TMBIM6: variants seen among roughly 807,000 people sequenced by gnomAD.
TMBIM6 encodes transmembrane BAX inhibitor motif containing 6, also known as bax inhibitor 1.
Under a neutral mutation model 31.4 loss-of-function variants are expected in TMBIM6, and 13 were observed. The observed-to-expected ratio is 0.41, with a 90% CI of 0.27 to 0.66. The LOEUF (loss-of-function observed/expected upper bound fraction) is 0.66. Among genes scored for constraint, TMBIM6 ranks in the 30% least tolerant of loss-of-function variants. The pLI is 0.28. For synonymous variants in TMBIM6, 85 were observed against 101.7 expected (o/e 0.84, Z 0.99); for missense variants, 275 against 289.5 (o/e 0.95, Z 0.36).
chr12:49,761,580 TGGG>T (rs1945719826), intron 8 of TMBIM6, 121 bp from the exon 9 acceptor site: 2 of 738,848 alleles, frequency 2.7e-6, no homozygotes, highest in Admixed American at 5.5e-5. Context: ...CTTCCTTAGT[TGGG>T]GGTAAAGTGT....
intron 1 of TMBIM6, among the ~76,000 whole-genome samples, chr12:49,745,740 G>A (rs1261151446): frequency 8.4e-6 from 1 of 119,084 alleles, no homozygotes; most frequent in Non-Finnish European, 1.7e-5. Context: ...AAAAAACCCA[G>A]CACATTTAGA....
chr12:49,762,687 C>G (rs776142691), intron 9 of TMBIM6, among the ~76,000 whole-genome samples, 186 bp from the exon 10 acceptor site: 1 of 152,120 alleles, frequency 6.6e-6, no homozygotes. Flanking sequence ...GTCGGTCTGT[C>G]GGCAACTTTG....
intron 1 of TMBIM6, among the ~76,000 whole-genome samples, chr12:49,743,878 T>C (rs1200325404): frequency 6.7e-6 from 1 of 149,280 alleles, no homozygotes; most frequent in Non-Finnish European, 1.5e-5. Context: ...AAATCAATAC[T>C]AATGTTTGTT....
Position 49,752,978 on chromosome 12 carries a change from C to T in TMBIM6, c.62C>T (p.Pro21Leu), listed in dbSNP as rs58919844. Reference protein sequence around the residue: ...DALLKFSHITPSTQQHLKKVY... With the variant: ...DALLKFSHITLSTQQHLKKVY... ...TATTCACATTCTTTTCTTAGAACCC[C>T]GTCAACGCAGCAGCACCTGAAGAAG... Residue 21 changes from proline to leucine, a missense_variant, in exon 3 of 10, where the codon CCG (proline) becomes CTG (leucine). By Grantham distance (98) the Pro-to-Leu change is moderately conservative (BLOSUM62 -3). Transcript: ENST00000267115. 108 of 1,613,398 alleles carry T rather than the reference C, an allele frequency of 6.7e-5. No homozygotes were observed. The highest frequency in any genetic ancestry group is 3.1e-4 in the East Asian group (14 of 44,882).
Position 49,752,997 on chromosome 12 carries a change from G to A in TMBIM6, c.81G>A (p.Leu27=), listed in dbSNP as rs777689138. 6.2e-7 allele frequency: 1 copy of A among 1,614,054 alleles called. No individual in the cohort carries two copies. The highest frequency in any genetic ancestry group is 8.5e-7 in the Non-Finnish European group (1 of 1,179,986). Residue 27 remains leucine, a synonymous_variant, in exon 3 of 10, where the codon CTG becomes CTA. Coordinates refer to ENST00000267115, the MANE Select transcript of TMBIM6 (RefSeq NM_003217.3). ...GAACCCCGTCAACGCAGCAGCACCT[G>A]AAGAAGGTCTATGCAAGTTTTGCCC... ...SHITPSTQQH[L]KKVYASFALC...
At chr12:49,761,103 TG>T (rs1219236863) in intron 8 of TMBIM6, among the ~76,000 whole-genome samples, 1 of 152,192 alleles carries the variant, frequency 6.6e-6, no homozygotes, top group Non-Finnish European at 1.5e-5. Flanking sequence ...TCCAAAGTGC[TG>T]GGATTACAGG....
chr12:49,762,528 A>C (rs1945739343), intron 9 of TMBIM6, among the ~76,000 whole-genome samples: 1 of 152,164 alleles, frequency 6.6e-6, no homozygotes, highest in African/African-American at 2.4e-5. Flanking sequence ...CTTGGCCTCT[A>C]GTTTCACTCT....
intron 1 of TMBIM6, among the ~76,000 whole-genome samples, chr12:49,747,667 A>G (rs991613547): frequency 7.2e-5 from 11 of 152,186 alleles, no homozygotes; most frequent in African/African-American, 2.4e-4. Flanking sequence ...TGTCTTCATA[A>G]TAAAACATAA....
At chr12:49,752,856 C>A in intron 2 of TMBIM6, 117 bp from the exon 3 acceptor site, 1 of 967,930 alleles carries the variant, frequency 1.0e-6, no homozygotes. Flanking sequence ...GTATTTCAAA[C>A]TATTTGTAAC....
rs1945774881 is a variant in TMBIM6 at position 49,764,272 on chromosome 12, GCTT to G, written c.*1378_*1380del. 6.6e-6 allele frequency: 1 copy of G among 152,166 alleles called. No homozygotes were observed. Among genetic ancestry groups the G allele is most frequent in the South Asian group, 2.1e-4 (1 of 4,828 alleles). 9.4% of individuals were successfully genotyped at this position (152,166 alleles called of 1,614,324 possible). A position where few individuals can be genotyped will look rare whatever the true frequency, so the allele number is the denominator to read the frequency against. On this transcript the variant is annotated 3_prime_UTR_variant, in exon 10 of 10. Coordinates refer to ENST00000267115, the MANE Select transcript of TMBIM6 (RefSeq NM_003217.3). ...TTGTGGCTCTGAGCTGCTCTACAGA[GCTT>G]CAGTGTGAGAGGATCGAGCCATTGA...
intron 8 of TMBIM6, among the ~76,000 whole-genome samples, chr12:49,760,150 T>C (rs969234920): frequency 4.1e-4 from 61 of 150,536 alleles, no homozygotes; most frequent in Non-Finnish European, 1.6e-4. Context: ...GGTGGCTATA[T>C]ATTTACATAT....
At chr12:49,759,499 A>G (rs1256191202) in intron 8 of TMBIM6, among the ~76,000 whole-genome samples, 178 bp downstream of exon 8, 1 of 152,144 alleles carries the variant, frequency 6.6e-6, no homozygotes, top group Non-Finnish European at 1.5e-5. Flanking sequence ...AAGATTTCAG[A>G]TTTTTTAAAA....
intron 1 of TMBIM6, chr12:49,741,857 G>C (rs527489736): frequency 1.5e-5 from 7 of 452,224 alleles, no homozygotes; most frequent in Admixed American, 1.2e-4. Context: ...GGGGGTTTTG[G>C]GGGGTGTCGA....
intron 4 of TMBIM6, among the ~76,000 whole-genome samples, chr12:49,757,731 A>C (rs1202724145): frequency 1.3e-5 from 2 of 152,192 alleles, no homozygotes; most frequent in African/African-American, 4.8e-5. Flanking sequence ...TTAGAACGAA[A>C]GAAATGTTAG....
Position 49,755,687 on chromosome 12 carries a change from C to T in TMBIM6, c.218C>T (p.Ala73Val). The T allele has an allele frequency of 6.2e-7, 1 of 1,614,172 alleles. No homozygotes were observed. Among genetic ancestry groups the T allele is most frequent in the East Asian group, 2.2e-5 (1 of 44,890 alleles). Reference protein sequence around the residue: ...GSLILMIWLMATPHSHETEQK... With the variant: ...GSLILMIWLMVTPHSHETEQK... Reference sequence around the variant, plus strand: ...CTGATATTGATGATTTGGCTGATGGCAACACCTCATAGCCATGAAACTGAA... The same window carrying T: ...CTGATATTGATGATTTGGCTGATGGTAACACCTCATAGCCATGAAACTGAA... Residue 73 changes from alanine to valine, a missense_variant, in exon 4 of 10, where the codon GCA becomes GTA. Physicochemically the swap from Ala to Val is moderately conservative, Grantham distance 64. Coordinates refer to ENST00000267115, the MANE Select transcript of TMBIM6 (RefSeq NM_003217.3).
chr12:49,760,932 C>T lies in TMBIM6; in HGVS notation c.615-772C>T, dbSNP rs1419469580. Among the ~76,000 whole-genome samples the T allele has an allele frequency of 6.6e-5, 10 of 151,854 alleles. No individual in the cohort carries two copies. The East Asian group carries it at 7.8e-4, about 12-fold the overall frequency. On this transcript the variant is annotated intron_variant, in intron 8 of 9. Transcript: ENST00000267115. Reference sequence around the variant, plus strand: ...TTGGCTCACCGCAGCCTCCGTCTCCCGGCTTCAGGTGTTTCTCCTGCCTTA... The same window carrying T: ...TTGGCTCACCGCAGCCTCCGTCTCCTGGCTTCAGGTGTTTCTCCTGCCTTA...
chr12:49,755,498 C>T, intron 3 of TMBIM6, 137 bp from the exon 4 acceptor site: 1 of 1,090,138 alleles, frequency 9.2e-7, no homozygotes, highest in Non-Finnish European at 1.3e-6. Context: ...TGAGAAAACA[C>T]TACTTTTTCT....
At position 49,752,447 on chromosome 12, in the gene TMBIM6, C is replaced by A. The variant is rs749140047; in HGVS notation, c.-30-17C>A. The A allele has an allele frequency of 7.6e-6, 12 of 1,588,924 alleles. No individual in the cohort carries two copies. The highest frequency in any genetic ancestry group is 3.5e-5 in the Admixed American group (2 of 57,346). Reference sequence around the variant, plus strand: ...TTCTGTATGACTTAATGACTCTAACCTTTCTTTATTCTGCAGAGTGGAGAC... The same window carrying A: ...TTCTGTATGACTTAATGACTCTAACATTTCTTTATTCTGCAGAGTGGAGAC... On this transcript the variant is annotated splice_polypyrimidine_tract_variant and intron_variant, in intron 1 of 9. Coordinates refer to ENST00000267115, the MANE Select transcript of TMBIM6 (RefSeq NM_003217.3).
At chr12:49,743,244 G>GTT (rs111230811) in intron 1 of TMBIM6, among the ~76,000 whole-genome samples, 20 of 146,574 alleles carry the variant, frequency 1.4e-4, no homozygotes, top group African/African-American at 3.3e-4. Context: ...TTATTATTAT[G>GTT]TTTTTTTTTT....
Sources: gnomAD v4.1 joint callset for allele counts (sites outside exome capture counted in the v4.1 genomes callset) on GRCh38, gnomAD v4.1.1 for gene constraint, MANE v1.5 for transcripts, NCBI Gene and HGNC (gene_info 2026-07-23, HGNC 2026-07-21) for gene names.